Variants in C12orf42 observed in about 807,000 individuals in gnomAD.
The protein encoded by C12orf42 is chromosome 12 open reading frame 42.
In C12orf42, 25 loss-of-function variants were observed where a neutral mutation model predicts 21.6. That is an observed-to-expected ratio of 1.16 (90% CI 0.84 to 1.62). C12orf42 has a LOEUF of 1.62. Ranked by LOEUF, C12orf42 falls within the 40% of genes most tolerant of loss-of-function variation. The pLI, the probability that C12orf42 is intolerant of heterozygous loss-of-function variation, is 0.00. For missense variants in C12orf42, 483 were observed against 459.3 expected, an observed-to-expected ratio of 1.05 and a Z score of -0.47; for synonymous variants, 174 against 175.0, an observed-to-expected ratio of 0.99 and a Z score of 0.05.
intron 10 of C12orf42, among the ~76,000 whole-genome samples, chr12:103,248,765 T>C (rs1466117557): frequency 6.6e-6 from 1 of 152,064 alleles, no homozygotes; most frequent in East Asian, 1.9e-4. Context: ...GACCTCTTTG[T>C]GTCTTAATTT....
At chr12:103,536,389 A>C in the C12orf42 span, among the ~76,000 whole-genome samples, 1 of 151,912 alleles carries the variant, frequency 6.6e-6, no homozygotes, top group Non-Finnish European at 1.5e-5. Flanking sequence ...CAGGAAACAG[A>C]ACTGGGCTGA....
chr12:103,289,405 A>C (rs1401875251), intron 4 of C12orf42, among the ~76,000 whole-genome samples: 1 of 152,200 alleles, frequency 6.6e-6, no homozygotes, highest in Non-Finnish European at 1.5e-5. Context: ...GACAGAAAAG[A>C]TACCAAAAGT....
At chr12:103,490,132 A>G (rs1023907975) in intron 1 of C12orf42, among the ~76,000 whole-genome samples, 2 of 152,224 alleles carry the variant, frequency 1.3e-5, no homozygotes, top group African/African-American at 4.8e-5. Context: ...TTCCTACACT[A>G]GGATCCCAGC....
chr12:103,294,065 G>A (rs143338491), intron 4 of C12orf42, among the ~76,000 whole-genome samples: 1,896 of 152,216 alleles, frequency 0.012, 18 homozygotes, highest in Non-Finnish European at 0.021. Flanking sequence ...ACTAAGCCTT[G>A]CACTAGGTTG....
At chr12:103,423,458 T>C (rs1337961546) in intron 2 of C12orf42, among the ~76,000 whole-genome samples, 1 of 152,204 alleles carries the variant, frequency 6.6e-6, no homozygotes, top group Non-Finnish European at 1.5e-5. Context: ...GGGGCTTGAA[T>C]CATGAATCTT....
At position 103,252,739 on chromosome 12, in the gene C12orf42, C is replaced by T. The variant is rs538443389; in HGVS notation, c.*1366+10587G>A. 5.3e-5 allele frequency among the ~76,000 whole-genome samples: 8 copies of T among 151,746 alleles called. No individual in the cohort carries two copies. In the East Asian group the frequency reaches 1.6e-3, roughly 29 times the overall value. On this transcript the variant is annotated intron_variant and NMD_transcript_variant, in intron 10 of 10. Coordinates refer to the C12orf42 transcript ENST00000547347. Reference sequence around the variant, plus strand: ...ATTGCAAAAATTTTCTCCCATTCTACCCAACAGGTAGGTTGCCTGTTCACT... The same window carrying T: ...ATTGCAAAAATTTTCTCCCATTCTATCCAACAGGTAGGTTGCCTGTTCACT...
chr12:103,143,879 A>T, the C12orf42 span, among the ~76,000 whole-genome samples: 2 of 152,218 alleles, frequency 1.3e-5, no homozygotes, highest in African/African-American at 4.8e-5. Flanking sequence ...CTGGATTTTT[A>T]TATCTCTAGT....
the C12orf42 span, among the ~76,000 whole-genome samples, chr12:103,501,472 G>A: frequency 6.6e-6 from 1 of 152,200 alleles, no homozygotes; most frequent in East Asian, 1.9e-4. Context: ...CTCTCATGAT[G>A]TTAGTGAGCG....
At chr12:103,412,325 T>C (rs111652078) in intron 2 of C12orf42, among the ~76,000 whole-genome samples, 1,917 of 152,298 alleles carry the variant, frequency 0.013, 36 homozygotes, top group African/African-American at 0.044. Context: ...ATAAATAATA[T>C]TGTGATATAC....
the C12orf42 span, among the ~76,000 whole-genome samples, chr12:103,148,305 G>A: frequency 3.3e-5 from 5 of 152,240 alleles, no homozygotes; most frequent in East Asian, 9.6e-4. Context: ...TCTATCAAGA[G>A]TCAAGCCCTT....
chr12:103,414,808 G>T (rs138709122), intron 2 of C12orf42, among the ~76,000 whole-genome samples: 5 of 152,126 alleles, frequency 3.3e-5, no homozygotes, highest in African/African-American at 4.8e-5. Context: ...AGTCGTTCTA[G>T]ACTCAGAATC....
chr12:103,465,904 G>C (rs1953088854), intron 2 of C12orf42, among the ~76,000 whole-genome samples: 1 of 152,182 alleles, frequency 6.6e-6, no homozygotes, highest in Non-Finnish European at 1.5e-5. Flanking sequence ...TATGTATATT[G>C]ATTTGTGCAT....
At chr12:103,489,924 G>T (rs1022527751) in intron 1 of C12orf42, among the ~76,000 whole-genome samples, 1 of 152,138 alleles carries the variant, frequency 6.6e-6, no homozygotes, top group Admixed American at 6.5e-5. Flanking sequence ...CCAATGCCCC[G>T]CCCTGCTTCA....
intron 2 of C12orf42, among the ~76,000 whole-genome samples, chr12:103,458,805 G>C (rs533695275): frequency 6.6e-6 from 1 of 152,168 alleles, no homozygotes; most frequent in East Asian, 1.9e-4. Context: ...CACCTAGTTG[G>C]GGAACTATAC....
rs1555246099 is a variant in C12orf42, at chr12:103,294,624, G to GAAAGAAAGAA, written n.338-17424_338-17415dup. 4.2e-3 allele frequency among the ~76,000 whole-genome samples: 587 copies of GAAAGAAAGAA among 139,920 alleles called. 6 individuals carry two copies. Among genetic ancestry groups the GAAAGAAAGAA allele is most frequent in the African/African-American group, 0.015 (518 of 33,996 alleles). 91.8% of individuals were successfully genotyped at this position (139,920 alleles called of 152,430 possible). A position where few individuals can be genotyped will look rare whatever the true frequency, so the allele number is the denominator to read the frequency against. ...AGAAAGAAAGAAAGAAAGAAAGAAA[G>GAAAGAAAGAA]AAAGAAAGAAAGAAGGAAAAGAAAG... On this transcript the variant is annotated intron_variant and non_coding_transcript_variant, in intron 4 of 6. Coordinates refer to the C12orf42 transcript ENST00000546526.
At chr12:103,068,716 A>T in the C12orf42 span, among the ~76,000 whole-genome samples, 1 of 151,206 alleles carries the variant, frequency 6.6e-6, no homozygotes, top group Non-Finnish European at 1.5e-5. Context: ...CCCAACCTAC[A>T]TCTTTCTCTC....
chr12:103,267,945 T>A (rs2035251499), downstream of C12orf42: 1 of 152,250 alleles, frequency 6.6e-6, no homozygotes, highest in South Asian at 2.1e-4. Context: ...TAAATAGTCC[T>A]TCCTATATTA....
intron 10 of C12orf42, among the ~76,000 whole-genome samples, chr12:103,255,013 T>C (rs1283716083): frequency 1.3e-5 from 2 of 152,222 alleles, no homozygotes; most frequent in Non-Finnish European, 2.9e-5. Context: ...TCTATTTATA[T>C]ATTCATTATA....
chr12:103,185,593 C>A, the C12orf42 span, among the ~76,000 whole-genome samples: 1 of 151,970 alleles, frequency 6.6e-6, no homozygotes, highest in Non-Finnish European at 1.5e-5. Flanking sequence ...CTCTATGTTC[C>A]CACCCAGATC....
Sources: allele counts gnomAD v4.1 joint callset (sites outside exome capture counted in the v4.1 genomes callset), GRCh38; gene constraint gnomAD v4.1.1; transcripts MANE v1.5; gene names NCBI Gene and HGNC (gene_info 2026-07-23, HGNC 2026-07-21).